The following TSPAN15 variants were observed in gnomAD, a reference collection of about 807,000 sequenced individuals.
TSPAN15 encodes the protein tetraspanin-15.
Under a neutral mutation model 34.5 loss-of-function variants are expected in TSPAN15, and 20 were observed. That is an observed-to-expected ratio of 0.58 (90% CI 0.41 to 0.84). The LOEUF (loss-of-function observed/expected upper bound fraction) is 0.84. TSPAN15 is among the 40% of genes least tolerant of loss of function. The probability of loss-of-function intolerance (pLI) is 0.00; values close to 1 mark genes in which losing one functional copy is unlikely to be tolerated. For missense variants in TSPAN15, 313 were observed against 386.1 expected (o/e 0.81, Z 1.59); for synonymous variants, 155 against 153.9 (o/e 1.01, Z -0.05).
chr10:69,535,043 A>T, the TSPAN15 span, among the ~76,000 whole-genome samples: 2 of 152,062 alleles, frequency 1.3e-5, no homozygotes, highest in Non-Finnish European at 2.9e-5. Context: ...CCCCGTATGA[A>T]CTGTTGAGGT....
chr10:69,543,876 TG>T, the TSPAN15 span, among the ~76,000 whole-genome samples: 1 of 147,276 alleles, frequency 6.8e-6, no homozygotes, highest in African/African-American at 2.5e-5. Context: ...TGTGTGTGTG[TG>T]TGTGTGTGTG....
chr10:69,488,817 C>T (rs1237782918), intron 3 of TSPAN15, among the ~76,000 whole-genome samples: 1 of 152,190 alleles, frequency 6.6e-6, no homozygotes, highest in Non-Finnish European at 1.5e-5. Context: ...AGAAACTCCT[C>T]ATAAGGGTCC....
At chr10:69,531,084 A>G in the TSPAN15 span, among the ~76,000 whole-genome samples, 13 of 145,874 alleles carry the variant, frequency 8.9e-5, no homozygotes, top group Admixed American at 2.9e-4. Context: ...AACAGGAAAA[A>G]TAAAGATGAA....
chr10:69,535,850 C>T, the TSPAN15 span, among the ~76,000 whole-genome samples: 2 of 152,358 alleles, frequency 1.3e-5, no homozygotes, highest in Admixed American at 1.3e-4. Flanking sequence ...AGAGCCTGCT[C>T]GCTGTCCATC....
intron 3 of TSPAN15, among the ~76,000 whole-genome samples, chr10:69,490,237 T>C (rs1437282230): frequency 6.6e-6 from 1 of 152,294 alleles, no homozygotes. Context: ...ACCATGGCTC[T>C]CTCGGCCAAC....
At chr10:69,461,463 C>A (rs1272132677) in intron 1 of TSPAN15, among the ~76,000 whole-genome samples, 1 of 152,188 alleles carries the variant, frequency 6.6e-6, no homozygotes, top group East Asian at 1.9e-4. Flanking sequence ...AGAGCAGGAA[C>A]CCCCTACTCC....
the TSPAN15 span, among the ~76,000 whole-genome samples, chr10:69,517,502 C>T: frequency 1.3e-5 from 2 of 152,214 alleles, no homozygotes; most frequent in Non-Finnish European, 2.9e-5. Context: ...GAGGGCCCCT[C>T]AGCATCATCT....
chr10:69,506,707 CCAGGT>C lies in TSPAN15; in HGVS notation c.736-119_736-115del. 1.0e-6 allele frequency: 1 copy of C among 990,106 alleles called. No homozygotes were observed. Among genetic ancestry groups the C allele is most frequent in the Non-Finnish European group, 1.5e-6 (1 of 664,406 alleles). The allele number at this position is 990,106 out of a possible 1,614,324, so 61.3% of individuals were successfully genotyped here. On this transcript the variant is annotated intron_variant, in intron 7 of 7. Coordinates refer to ENST00000373290, the MANE Select transcript of TSPAN15 (RefSeq NM_012339.5). This position sits in a 1 kb window ranked among gnomAD's most constrained non-coding sequence, Gnocchi z 4.7. The stretch of plus-strand genomic sequence containing the variant: ...GAGAAGTCTCTGCTGTGGGTGTTGC[CCAGGT>C]CACACAGGACCATGAGGGCTTGGGA...
chr10:69,504,280 A>C (rs764932954), intron 5 of TSPAN15, among the ~76,000 whole-genome samples, 158 bp from the exon 6 acceptor site: 4 of 152,046 alleles, frequency 2.6e-5, no homozygotes, highest in Non-Finnish European at 5.9e-5. Context: ...GTTATGATGG[A>C]GACTCAAGCC....
chr10:69,519,171 C>T, the TSPAN15 span, among the ~76,000 whole-genome samples: 3 of 152,208 alleles, frequency 2.0e-5, no homozygotes, highest in Non-Finnish European at 2.9e-5. Flanking sequence ...AATCCCAGCA[C>T]TTTGGGAGGC....
the TSPAN15 span, among the ~76,000 whole-genome samples, chr10:69,545,984 AAAAC>A: frequency 2.0e-4 from 30 of 151,184 alleles, no homozygotes; most frequent in Admixed American, 6.0e-4. Context: ...AACAAAGCAA[AAAAC>A]AAACAAACAA....
chr10:69,527,711 T>A, the TSPAN15 span, among the ~76,000 whole-genome samples: 1 of 147,924 alleles, frequency 6.8e-6, no homozygotes. Context: ...TAGAACATTA[T>A]GCTAAATGAA....
chr10:69,533,475 A>C, the TSPAN15 span, among the ~76,000 whole-genome samples: 14,110 of 152,170 alleles, frequency 0.093, 923 homozygotes, highest in East Asian at 0.29. Flanking sequence ...TGAGGACACA[A>C]AGGCATAAGA....
At chr10:69,484,584 C>T (rs1455100610) in intron 2 of TSPAN15, among the ~76,000 whole-genome samples, 3 of 152,236 alleles carry the variant, frequency 2.0e-5, no homozygotes, top group African/African-American at 7.2e-5. Context: ...CCCTACGATC[C>T]ACTGTAAACC....
At chr10:69,461,275 C>T (rs1841249786) in intron 1 of TSPAN15, among the ~76,000 whole-genome samples, 1 of 152,232 alleles carries the variant, frequency 6.6e-6, no homozygotes, top group Non-Finnish European at 1.5e-5. Context: ...AGAACTGTTT[C>T]ACTGTGGGAA....
intron 1 of TSPAN15, among the ~76,000 whole-genome samples, chr10:69,480,465 G>T (rs1230524127): frequency 6.6e-6 from 1 of 152,148 alleles, no homozygotes; most frequent in African/African-American, 2.4e-5. Flanking sequence ...CAAAATGGAA[G>T]ATAAAACCCT....
chr10:69,539,398 GAA>G, the TSPAN15 span, among the ~76,000 whole-genome samples: 50 of 83,668 alleles, frequency 6.0e-4, 2 homozygotes, highest in Middle Eastern at 6.0e-3. Context: ...GGAAGAGGAA[GAA>G]GAGGAAGAGG....
chr10:69,528,936 CA>C, the TSPAN15 span, among the ~76,000 whole-genome samples: 1 of 148,110 alleles, frequency 6.8e-6, no homozygotes, highest in Non-Finnish European at 1.5e-5. Flanking sequence ...CACAAGTTCC[CA>C]CTCCAGTCCG....
At chr10:69,521,245 C>T in the TSPAN15 span, among the ~76,000 whole-genome samples, 2 of 152,086 alleles carry the variant, frequency 1.3e-5, no homozygotes, top group African/African-American at 2.4e-5. Context: ...TGTGGTGGCT[C>T]ACGCCTGTAA....
Sources: gnomAD v4.1 joint callset for allele counts (sites outside exome capture counted in the v4.1 genomes callset) on GRCh38, gnomAD v4.1.1 for gene constraint, Gnocchi (gnomAD v3.1) non-coding constraint, MANE v1.5 for transcripts, NCBI Gene and HGNC (gene_info 2026-07-23, HGNC 2026-07-21) for gene names.